Variants in FGF12 observed in about 807,000 individuals in gnomAD.
FGF12 encodes fibroblast growth factor 12B.
Under a neutral mutation model 23.6 loss-of-function variants are expected in FGF12, and 14 were observed. The ratio of observed to expected loss-of-function variants is 0.59; its 90% CI spans 0.39 to 0.93. The LOEUF is 0.93. FGF12 is among the 40% of genes least tolerant of loss of function. FGF12 has a pLI of 0.00. For synonymous variants in FGF12, 62 were observed against 77.3 expected (o/e 0.80, Z 1.04); for missense variants, 175 against 217.8 (o/e 0.80, Z 1.24).
chr3:192,535,422 C>T (rs1051733074), intron 2 of FGF12, among the ~76,000 whole-genome samples: 2 of 152,098 alleles, frequency 1.3e-5, no homozygotes, highest in Non-Finnish European at 2.9e-5. Flanking sequence ...AAAACATGCA[C>T]AGAGGAGTCA....
intron 4 of FGF12, among the ~76,000 whole-genome samples, chr3:192,223,236 G>A (rs2108575163): frequency 6.6e-6 from 1 of 152,096 alleles, no homozygotes; most frequent in East Asian, 1.9e-4. Context: ...ACAACACAAA[G>A]CCCTCTAACT....
At chr3:192,220,629 C>T (rs1263243304) in intron 4 of FGF12, among the ~76,000 whole-genome samples, 1 of 152,116 alleles carries the variant, frequency 6.6e-6, no homozygotes, top group Non-Finnish European at 1.5e-5. Context: ...ACACAGACAA[C>T]ATATTAGTTG....
intron 4 of FGF12, among the ~76,000 whole-genome samples, chr3:192,291,791 C>T (rs540144060): frequency 2.0e-5 from 3 of 152,222 alleles, no homozygotes; most frequent in African/African-American, 7.2e-5. Flanking sequence ...TACATTCTTT[C>T]TATGTTTTAA....
At position 192,522,123 on chromosome 3, in the gene FGF12, G is replaced by A. The variant is rs553844922; in HGVS notation, c.14-161585C>T. ...TGAGGCAGGAGAATGGCGTGAACCCGGGAGGCGGAGCTTGCAATGAGCCGA... is the reference window on the plus strand; with the variant it reads ...TGAGGCAGGAGAATGGCGTGAACCCAGGAGGCGGAGCTTGCAATGAGCCGA... On this transcript the variant is annotated intron_variant, in intron 2 of 5. Transcript: ENST00000445105. Among the ~76,000 whole-genome samples, 109 of 151,582 alleles carry A rather than the reference G, an allele frequency of 7.2e-4. 1 individual carries two copies. The highest frequency in any genetic ancestry group is 2.4e-3 in the African/African-American group (100 of 41,304).
chr3:192,647,754 T>C (rs553969869), intron 2 of FGF12, among the ~76,000 whole-genome samples: 5 of 149,996 alleles, frequency 3.3e-5, no homozygotes, highest in South Asian at 4.2e-4. Flanking sequence ...TATATACACA[T>C]ATATATATAC....
At chr3:192,332,308 A>G (rs369794489) in intron 4 of FGF12, among the ~76,000 whole-genome samples, 14 of 152,176 alleles carry the variant, frequency 9.2e-5, no homozygotes, top group East Asian at 3.9e-4. Context: ...AAGACTAACC[A>G]CTACAGGAAT....
At chr3:192,590,562 C>T (rs998857911) in intron 2 of FGF12, among the ~76,000 whole-genome samples, 23 of 151,766 alleles carry the variant, frequency 1.5e-4, no homozygotes, top group Admixed American at 3.3e-4. Context: ...GAATCAAAAA[C>T]CCCATAGAAG....
At chr3:192,596,588 A>G (rs956062702) in intron 2 of FGF12, among the ~76,000 whole-genome samples, 12 of 152,242 alleles carry the variant, frequency 7.9e-5, no homozygotes, top group Admixed American at 4.6e-4. Flanking sequence ...AATATATGGC[A>G]AAGCCAGGGC....
intron 2 of FGF12, among the ~76,000 whole-genome samples, chr3:192,468,177 T>C (rs1056762944): frequency 2.0e-5 from 3 of 152,112 alleles, no homozygotes; most frequent in Admixed American, 6.5e-5. Context: ...TTTGGAAAAA[T>C]TGAAAGATGA....
chr3:192,490,404 C>T (rs1487548170), intron 2 of FGF12, among the ~76,000 whole-genome samples: 1 of 151,800 alleles, frequency 6.6e-6, no homozygotes, highest in African/African-American at 2.4e-5. Context: ...ATAAGAAATG[C>T]ATATATATGT....
intron 4 of FGF12, among the ~76,000 whole-genome samples, chr3:192,175,800 T>A (rs1455654600): frequency 6.6e-6 from 1 of 152,140 alleles, no homozygotes; most frequent in African/African-American, 2.4e-5. Flanking sequence ...CCCCATCCCA[T>A]GGGATTCCAA....
At chr3:192,197,245 C>A (rs1191525665) in intron 4 of FGF12, among the ~76,000 whole-genome samples, 1 of 152,156 alleles carries the variant, frequency 6.6e-6, no homozygotes, top group African/African-American at 2.4e-5. Context: ...TCGGTGCCTA[C>A]ATGAAACTCT....
At chr3:192,538,408 G>GT (rs1030957051) in intron 2 of FGF12, among the ~76,000 whole-genome samples, 5 of 152,180 alleles carry the variant, frequency 3.3e-5, no homozygotes, top group African/African-American at 1.2e-4. Context: ...TGGCATCTTT[G>GT]TTTATGCAAT....
intron 5 of FGF12, among the ~76,000 whole-genome samples, chr3:192,148,162 C>CA (rs977560032): frequency 7.4e-4 from 112 of 152,250 alleles, no homozygotes; most frequent in African/African-American, 2.6e-3. Flanking sequence ...TCTGTACATC[C>CA]ATGTCCATAG....
intron 2 of FGF12, among the ~76,000 whole-genome samples, chr3:192,567,619 C>A (rs1411451666): frequency 2.6e-5 from 4 of 152,116 alleles, no homozygotes; most frequent in African/African-American, 9.7e-5. Context: ...CTTCCAAAAG[C>A]TCTAGGTGAG....
chr3:192,677,354 A>G (rs1014895990), intron 2 of FGF12, among the ~76,000 whole-genome samples: 2 of 152,180 alleles, frequency 1.3e-5, no homozygotes, highest in Non-Finnish European at 2.9e-5. Flanking sequence ...ACCTATACAG[A>G]TGAGTAGGCC....
chr3:192,253,163 A>G (rs2108609103), intron 4 of FGF12, among the ~76,000 whole-genome samples: 1 of 152,250 alleles, frequency 6.6e-6, no homozygotes, highest in South Asian at 2.1e-4. Flanking sequence ...GCAGGCTCCT[A>G]GGATCTGAAC....
chr3:192,609,028 T>A (rs886164918), intron 2 of FGF12, among the ~76,000 whole-genome samples: 7 of 152,108 alleles, frequency 4.6e-5, no homozygotes, highest in African/African-American at 1.7e-4. Flanking sequence ...GTTAGCTAAC[T>A]TTGGAAATTC....
intron 3 of FGF12, among the ~76,000 whole-genome samples, chr3:192,341,970 T>G (rs768104426): frequency 7.0e-6 from 1 of 142,910 alleles, no homozygotes; most frequent in Non-Finnish European, 1.6e-5. Flanking sequence ...ACCATAAATA[T>G]TTGTTAGGAC....
Sources: gnomAD v4.1 joint callset for allele counts (sites outside exome capture counted in the v4.1 genomes callset) on GRCh38, gnomAD v4.1.1 for gene constraint, MANE v1.5 for transcripts, NCBI Gene and HGNC (gene_info 2026-07-23, HGNC 2026-07-21) for gene names.